The following LAMC3 variants were observed in gnomAD, a reference collection of about 807,000 sequenced individuals.
LAMC3 encodes laminin subunit gamma 3.
A neutral mutation model predicts 173.8 loss-of-function variants in LAMC3; 128 were observed. That is an observed-to-expected ratio of 0.74 (90% CI 0.64 to 0.85). The LOEUF is 0.85. Ranked by LOEUF, LAMC3 falls within the 40% of genes least tolerant of loss-of-function variation. The pLI is 0.00. For synonymous variants in LAMC3, 897 were observed against 909.1 expected (o/e 0.99, Z 0.24); for missense variants, 2,022 against 2,156.0 (o/e 0.94, Z 1.23).
chr9:131,073,829 TTC>T (rs1830077848), intron 20 of LAMC3, among the ~76,000 whole-genome samples: 1 of 152,168 alleles, frequency 6.6e-6, no homozygotes, highest in Non-Finnish European at 1.5e-5. Context: ...CTATTCTACT[TTC>T]TGTCTCTATA....
rs745916202 is a variant in LAMC3 at position 131,029,780 on chromosome 9, G to A, written c.679-2265G>A. 1.6e-4 allele frequency among the ~76,000 whole-genome samples: 24 copies of A among 152,060 alleles called. No homozygotes were observed. The highest frequency in any genetic ancestry group is 9.8e-4 in the Admixed American group (15 of 15,260). ...GTAAGACCGCCAGAGTTGAGGGGCC[G>A]CCTGAGCACCCCTTGGACATAGAGC... On this transcript the variant is annotated intron_variant, in intron 2 of 27. Coordinates refer to ENST00000361069, the MANE Select transcript of LAMC3 (RefSeq NM_006059.4). This position sits in a 1 kb window ranked among gnomAD's most constrained non-coding sequence, Gnocchi z 4.6.
At chr9:131,053,403 G>C (rs55950144) in intron 11 of LAMC3, among the ~76,000 whole-genome samples, 56,113 of 152,034 alleles carry the variant, frequency 0.37, 11,054 homozygotes, top group Non-Finnish European at 0.44. Context: ...AGGAGGGTCT[G>C]GTCTTCCCAA....
At chr9:131,043,875 C>A (rs762184209) in intron 7 of LAMC3, among the ~76,000 whole-genome samples, 3 of 151,792 alleles carry the variant, frequency 2.0e-5, no homozygotes, top group Non-Finnish European at 4.4e-5. Context: ...TAACATCTGT[C>A]CGTGGGTTCT....
intron 9 of LAMC3, among the ~76,000 whole-genome samples, chr9:131,050,389 A>G (rs1176621826): frequency 1.3e-5 from 2 of 152,186 alleles, no homozygotes; most frequent in Admixed American, 6.5e-5. Context: ...GAATGAACAC[A>G]TCGACCCTCT....
At chr9:131,089,408 T>TG (rs1830385229) in intron 27 of LAMC3, among the ~76,000 whole-genome samples, 1 of 152,038 alleles carries the variant, frequency 6.6e-6, no homozygotes, top group African/African-American at 2.4e-5. Flanking sequence ...GACAGGATCT[T>TG]GCTCTGTTAC....
At chr9:131,040,608 T>TA (rs1395464614) in intron 6 of LAMC3, among the ~76,000 whole-genome samples, 1 of 152,192 alleles carries the variant, frequency 6.6e-6, no homozygotes, top group East Asian at 1.9e-4. Flanking sequence ...GTTCTGGGCA[T>TA]AAAACTGACC....
chr9:131,090,842 C>T (rs1344941836), intron 27 of LAMC3, among the ~76,000 whole-genome samples: 4 of 150,428 alleles, frequency 2.7e-5, no homozygotes, highest in Admixed American at 1.3e-4. Flanking sequence ...GCCTGGCCAA[C>T]GTGGTGAAAC....
At chr9:131,083,493 G>A (rs1830277260) in intron 24 of LAMC3, among the ~76,000 whole-genome samples, 1 of 148,648 alleles carries the variant, frequency 6.7e-6, no homozygotes, top group Non-Finnish European at 1.5e-5. Context: ...TGTGGCCGGG[G>A]GTCTCCTAGC....
Position 131,016,705 on chromosome 9 carries a change from C to T in LAMC3, c.373+7118C>T, listed in dbSNP as rs186946806. Among the ~76,000 whole-genome samples the T allele has an allele frequency of 3.8e-3, 575 of 152,210 alleles. 6 individuals carry two copies. Among genetic ancestry groups the T allele is most frequent in the Middle Eastern group, 0.01 (3 of 294 alleles). On this transcript the variant is annotated intron_variant, in intron 1 of 27. Coordinates refer to ENST00000361069, the MANE Select transcript of LAMC3 (RefSeq NM_006059.4). Reference sequence around the variant, plus strand: ...TGTAATACACAGGGAGCGCTTAAGTCAAAATGTTGAATGAAGAAAAAGACA... The same window carrying T: ...TGTAATACACAGGGAGCGCTTAAGTTAAAATGTTGAATGAAGAAAAAGACA...
intron 20 of LAMC3, among the ~76,000 whole-genome samples, chr9:131,074,212 T>C (rs1176060242): frequency 6.6e-6 from 1 of 151,458 alleles, no homozygotes; most frequent in Admixed American, 6.6e-5. Context: ...CCTCCCAAAG[T>C]GCTGGGATTA....
intron 7 of LAMC3, among the ~76,000 whole-genome samples, chr9:131,043,501 T>C (rs950379107): frequency 6.6e-6 from 1 of 152,150 alleles, no homozygotes; most frequent in Non-Finnish European, 1.5e-5. Flanking sequence ...CGTGGGCCCA[T>C]GTCAAAAGGA....
intron 15 of LAMC3, among the ~76,000 whole-genome samples, chr9:131,068,506 C>T (rs1031949550): frequency 6.6e-6 from 1 of 152,186 alleles, no homozygotes; most frequent in Non-Finnish European, 1.5e-5. Flanking sequence ...GTGACACTCT[C>T]CCTGGGTGGC....
intron 8 of LAMC3, among the ~76,000 whole-genome samples, chr9:131,046,470 A>G (rs1178764705): frequency 1.3e-5 from 2 of 149,014 alleles, no homozygotes; most frequent in African/African-American, 2.5e-5. Context: ...CCGCCTCCCA[A>G]AATGCTGGGA....
rs374896912 is a variant in LAMC3 at position 131,068,870 on chromosome 9, T to C, written c.2748-38T>C. On this transcript the variant is annotated intron_variant, in intron 15 of 27. Transcript: ENST00000361069. ...GCAGAGGCTGGGCCAGGAGTGGCCC[T>C]GAGCTTGCCTCAGACCCAGTTCCTT... 12 of 1,612,604 alleles carry C rather than the reference T, an allele frequency of 7.4e-6. No individual in the cohort carries two copies. In the African/African-American group the frequency reaches 1.6e-4, roughly 22 times the overall value.
At chr9:131,019,274 C>G (rs765283930) in intron 1 of LAMC3, among the ~76,000 whole-genome samples, 43 of 152,088 alleles carry the variant, frequency 2.8e-4, no homozygotes, top group Non-Finnish European at 5.4e-4. Flanking sequence ...AACAAACAAA[C>G]AAACAAACAA....
rs13301105 is a variant in LAMC3, at chr9:131,075,793, G to A, written c.3495-38G>A. On this transcript the variant is annotated intron_variant, in intron 20 of 27. Transcript: ENST00000361069. ...TTCTGATCCTGGGCCCCTTCCCTGC[G>A]AGCCCTTGGTAATGCTCAGGTGGGT... The A allele has an allele frequency of 0.085, 135,405 of 1,589,652 alleles. 8,759 individuals carry two copies. The highest frequency in any genetic ancestry group is 0.32 in the African/African-American group (23,851 of 74,488).
chr9:131,071,742 C>A, intron 18 of LAMC3, 117 bp downstream of exon 18: 1 of 1,009,490 alleles, frequency 9.9e-7, no homozygotes, highest in Non-Finnish European at 1.4e-6. Context: ...TGCCATGGGC[C>A]TTTACTTCCC....
intron 13 of LAMC3, among the ~76,000 whole-genome samples, chr9:131,065,711 A>G (rs1441671093): frequency 6.6e-6 from 1 of 152,220 alleles, no homozygotes; most frequent in Non-Finnish European, 1.5e-5. Context: ...CACTGCCTGC[A>G]CTGGCTACAC....
intron 11 of LAMC3, among the ~76,000 whole-genome samples, chr9:131,055,448 G>T (rs1393533705): frequency 9.0e-6 from 1 of 111,464 alleles, no homozygotes; most frequent in Non-Finnish European, 1.7e-5. Context: ...TTTTTGAGAC[G>T]GAGTCTTGCT....
Sources: gnomAD v4.1 joint callset for allele counts (sites outside exome capture counted in the v4.1 genomes callset) on GRCh38, gnomAD v4.1.1 for gene constraint, Gnocchi (gnomAD v3.1) non-coding constraint, MANE v1.5 for transcripts, NCBI Gene and HGNC (gene_info 2026-07-23, HGNC 2026-07-21) for gene names.